The following CDC42BPA variants were observed in gnomAD, a reference collection of about 807,000 sequenced individuals.
The protein encoded by CDC42BPA is CDC42 binding protein kinase alpha, also known as serine/threonine-protein kinase MRCK alpha.
CDC42BPA carries 80 observed loss-of-function variants against 223.5 expected under a neutral mutation model. The observed-to-expected ratio is 0.36, with a 90% CI of 0.30 to 0.43. The LOEUF is 0.43. Ranked by LOEUF, CDC42BPA falls within the 20% of genes least tolerant of loss-of-function variation. CDC42BPA has a pLI of 1.00. For missense variants in CDC42BPA, 1,743 were observed against 2,099.9 expected (o/e 0.83, Z 3.32); for synonymous variants, 694 against 718.6 (o/e 0.97, Z 0.55).
At chr1:227,152,903 G>T (rs1015002941) in intron 6 of CDC42BPA, among the ~76,000 whole-genome samples, 1 of 151,944 alleles carries the variant, frequency 6.6e-6, no homozygotes, top group African/African-American at 2.4e-5. Flanking sequence ...ATAAAGAAAA[G>T]AAACTTAAGG....
chr1:227,108,165 C>T (rs2149360267), intron 14 of CDC42BPA, among the ~76,000 whole-genome samples: 1 of 152,158 alleles, frequency 6.6e-6, no homozygotes, highest in South Asian at 2.1e-4. Flanking sequence ...TTTTCTAGTA[C>T]CTTAAGATAT....
At chr1:227,248,688 A>T (rs1681431078) in intron 2 of CDC42BPA, among the ~76,000 whole-genome samples, 1 of 152,028 alleles carries the variant, frequency 6.6e-6, no homozygotes, top group South Asian at 2.1e-4. Context: ...ATCTATGTGT[A>T]TTTTTTAATT....
intron 1 of CDC42BPA, among the ~76,000 whole-genome samples, chr1:227,304,337 T>C (rs1323252544): frequency 6.6e-6 from 1 of 150,726 alleles, no homozygotes; most frequent in African/African-American, 2.4e-5. Flanking sequence ...ACCCAGGAGG[T>C]AGAGGTTGCA....
intron 20 of CDC42BPA, among the ~76,000 whole-genome samples, chr1:227,070,405 TCATA>T (rs1183267930): frequency 6.6e-6 from 1 of 151,792 alleles, no homozygotes; most frequent in African/African-American, 2.4e-5. Context: ...TTTTAAAAAT[TCATA>T]CATATCTCTT....
chr1:227,089,247 A>G (rs1682589028), intron 16 of CDC42BPA, among the ~76,000 whole-genome samples: 1 of 152,184 alleles, frequency 6.6e-6, no homozygotes, highest in African/African-American at 2.4e-5. Flanking sequence ...TTCCCAATGG[A>G]ACAGTTGGTG....
chr1:227,257,484 A>C (rs963076164), intron 1 of CDC42BPA, among the ~76,000 whole-genome samples: 1 of 84,476 alleles, frequency 1.2e-5, no homozygotes, highest in Non-Finnish European at 2.6e-5. Context: ...TGCTGGGCAC[A>C]GTGGCCTGTA....
rs1553374261 is a variant in CDC42BPA, at chr1:227,168,497, G to GTTTTTTTTTTTTGTTTTTTTTT, written c.600-7862_600-7861insAAAAAAAAACAAAAAAAAAAAA. On this transcript the variant is annotated intron_variant, in intron 5 of 36. Transcript: ENST00000366766. ...CTTTTTCATATTTATCTTCCCTGGT[G>GTTTTTTTTTTTTGTTTTTTTTT]TTTTTTTTTTTTTTTTGAGGCAGAG... Among the ~76,000 whole-genome samples, 82 of 80,204 alleles carry GTTTTTTTTTTTTGTTTTTTTTT rather than the reference G, an allele frequency of 1.0e-3. 9 individuals carry two copies. Among genetic ancestry groups the GTTTTTTTTTTTTGTTTTTTTTT allele is most frequent in the Non-Finnish European group, 1.4e-3 (60 of 42,202 alleles). 52.6% of individuals were successfully genotyped at this position (80,204 alleles called of 152,430 possible).
Position 227,083,524 on chromosome 1 carries a change from C to T in CDC42BPA, c.2356-2507G>A, listed in dbSNP as rs558941135. Among the ~76,000 whole-genome samples, 8 of 151,452 alleles carry T rather than the reference C, an allele frequency of 5.3e-5. No homozygotes were observed. In the East Asian group the frequency reaches 1.6e-3, roughly 30 times the overall value. ...CCTGCGGGTCTGTTTCTACTGACTG[C>T]CTGGTTTTTATTTTCCCTTTTTTGA... is the stretch of plus-strand genomic sequence containing the variant. On this transcript the variant is annotated intron_variant, in intron 16 of 36. Coordinates refer to ENST00000366766, the MANE Select transcript of CDC42BPA (RefSeq NM_001394014.1).
chr1:227,155,405 C>T (rs1024886709), intron 6 of CDC42BPA, among the ~76,000 whole-genome samples: 48 of 152,186 alleles, frequency 3.2e-4, no homozygotes, highest in African/African-American at 1.2e-3. Context: ...GAAATATTTA[C>T]TTCCAATGGA....
chr1:227,048,753 G>GAAAAAAAAAAAAA, intron 22 of CDC42BPA, among the ~76,000 whole-genome samples: 1 of 112,550 alleles, frequency 8.9e-6, no homozygotes, highest in Non-Finnish European at 1.8e-5. Context: ...AAAGTAGTGA[G>GAAAAAAAAAAAAA]AAAAAAAAAA....
At position 227,016,962 on chromosome 1, in the gene CDC42BPA, G is replaced by A; in HGVS notation, c.4704C>T (p.Phe1568=). ...GCATCCTTTCCTCTTCTGGGACTCT[G>A]AAGGAATAACGCCGCTTATTGTTAA... The part of the protein sequence containing the change: ...RNINNKRRYS[F]RVPEEERMQQ... Residue 1568 remains phenylalanine, a synonymous_variant, in exon 33 of 37, where the codon TTC becomes TTT. Coordinates refer to ENST00000366766, the MANE Select transcript of CDC42BPA (RefSeq NM_001394014.1). The A allele has an allele frequency of 1.2e-6, 2 of 1,613,092 alleles. No individual in the cohort carries two copies. Among genetic ancestry groups the A allele is most frequent in the Non-Finnish European group, 1.7e-6 (2 of 1,179,472 alleles).
chr1:227,291,959 C>T (rs186877374), intron 1 of CDC42BPA, among the ~76,000 whole-genome samples: 8 of 151,938 alleles, frequency 5.3e-5, no homozygotes, highest in Non-Finnish European at 1.2e-4. Flanking sequence ...TTAAAAATAA[C>T]AAATAGCCCT....
At chr1:227,256,944 T>C (rs368986167) in intron 1 of CDC42BPA, among the ~76,000 whole-genome samples, 20,262 of 102,328 alleles carry the variant, frequency 0.2, 1,771 homozygotes, top group African/African-American at 0.29. Context: ...GATATATATA[T>C]ACAGACACAC....
At chr1:227,112,249 C>T (rs1022038693) in intron 14 of CDC42BPA, 63 bp downstream of exon 14, 9 of 931,954 alleles carry the variant, frequency 9.7e-6, no homozygotes, top group African/African-American at 3.3e-5. Flanking sequence ...CAAGCTAACA[C>T]TCCTAACAAG....
chr1:227,053,921 A>G lies in CDC42BPA; in HGVS notation c.2905-1936T>C, dbSNP rs937958060. ...TCCTCCTCCTAGTTTTCATAAGATT[A>G]TACACATTGCAAGAATTAGGTGTCC... On this transcript the variant is annotated intron_variant, in intron 21 of 36. Coordinates refer to ENST00000366766, the MANE Select transcript of CDC42BPA (RefSeq NM_001394014.1). 8.5e-5 allele frequency among the ~76,000 whole-genome samples: 13 copies of G among 152,200 alleles called. 1 individual carries two copies. The highest frequency in any genetic ancestry group is 3.1e-4 in the African/African-American group (13 of 41,450).
At chr1:227,276,541 C>T (rs1000866454) in intron 1 of CDC42BPA, among the ~76,000 whole-genome samples, 2 of 150,294 alleles carry the variant, frequency 1.3e-5, no homozygotes, top group African/African-American at 2.4e-5. Context: ...AGGTGCGGGG[C>T]GCCTCTGCCC....
At chr1:227,010,915 C>A (rs751526218) in intron 34 of CDC42BPA, 113 of 1,364,762 alleles carry the variant, frequency 8.3e-5, no homozygotes, top group Non-Finnish European at 1.1e-4. Flanking sequence ...AGGGACAGAG[C>A]GCAGAGACGG....
intron 6 of CDC42BPA, among the ~76,000 whole-genome samples, chr1:227,158,940 C>T (rs1663330921): frequency 6.6e-6 from 1 of 152,148 alleles, no homozygotes; most frequent in African/African-American, 2.4e-5. Context: ...CTCTAGCTTT[C>T]TGCATCAGAG....
rs370025226 is a variant in CDC42BPA at position 227,072,304 on chromosome 1, A to T, written c.2736-5T>A. On this transcript the variant is annotated splice_polypyrimidine_tract_variant and splice_region_variant and intron_variant, in intron 19 of 36. Coordinates refer to ENST00000366766, the MANE Select transcript of CDC42BPA (RefSeq NM_001394014.1). ...TTCTCTGAATCTTTTAGTTTACTTA[A>T]ATAAGGAGAAAAAAGGAAAAATGTC... The T allele has an allele frequency of 6.5e-7, 1 of 1,541,132 alleles. No homozygotes were observed. Among genetic ancestry groups the T allele is most frequent in the Non-Finnish European group, 8.9e-7 (1 of 1,118,266 alleles).
Sources: allele counts gnomAD v4.1 joint callset (sites outside exome capture counted in the v4.1 genomes callset), GRCh38; gene constraint gnomAD v4.1.1; transcripts MANE v1.5; gene names NCBI Gene and HGNC (gene_info 2026-07-23, HGNC 2026-07-21).